Variants in AP4E1 observed in about 807,000 individuals in gnomAD.
AP4E1 encodes the protein AP-4 complex subunit epsilon-1.
AP4E1 carries 56 observed loss-of-function variants against 128.2 expected under a neutral mutation model. That is an observed-to-expected ratio of 0.44 (90% CI 0.35 to 0.55). The LOEUF (loss-of-function observed/expected upper bound fraction) is 0.55. Ranked by LOEUF, AP4E1 falls within the 20% of genes least tolerant of loss-of-function variation. The pLI, the probability that AP4E1 is intolerant of heterozygous loss-of-function variation, is 0.00. For missense variants in AP4E1, 1,324 were observed against 1,307.7 expected, an observed-to-expected ratio of 1.01 and a Z score of -0.19; for synonymous variants, 484 against 473.1, an observed-to-expected ratio of 1.02 and a Z score of -0.30.
At chr15:50,961,591 G>GA (rs969198580) in intron 14 of AP4E1, among the ~76,000 whole-genome samples, 1 of 151,046 alleles carries the variant, frequency 6.6e-6, no homozygotes, top group Non-Finnish European at 1.5e-5. Flanking sequence ...AAAAAGCATA[G>GA]AAAAAAAATA....
intron 17 of AP4E1, 27 bp from the exon 18 acceptor site, chr15:50,997,299 T>G (rs771728447): frequency 2.6e-6 from 4 of 1,545,398 alleles, no homozygotes; most frequent in East Asian, 2.4e-5. Context: ...TGATTTCTTT[T>G]TATATTATTA....
upstream of AP4E1, chr15:50,908,544 C>A: frequency 2.2e-6 from 1 of 465,046 alleles, no homozygotes; most frequent in Non-Finnish European, 3.6e-6. Context: ...GAAAGGAGGT[C>A]TACTTACGCG....
In AP4E1 at chr15:50,968,267, A is replaced by C; in HGVS notation, c.1856A>C (p.Asp619Ala). ...VDRSCEDLVV[D>A]ASLSFLDGFV... ...TTTTGCTTAATTTTAATATAGGTAG[A>C]TGCTTCTTTATCTTTTCTGGATGGT... Residue 619 changes from aspartate to alanine, a missense_variant, in exon 15 of 21, where the codon GAT becomes GCT. Asp to Ala is a moderately radical substitution (Grantham distance 126). Transcript: ENST00000261842. 6.2e-7 allele frequency: 1 copy of C among 1,610,436 alleles called. No individual in the cohort carries two copies. Among genetic ancestry groups the C allele is most frequent in the South Asian group, 1.1e-5 (1 of 90,768 alleles).
At chr15:50,936,311 T>A (rs191818376) in intron 8 of AP4E1, among the ~76,000 whole-genome samples, 1 of 152,234 alleles carries the variant, frequency 6.6e-6, no homozygotes, top group East Asian at 1.9e-4. Context: ...AGGATAAGGG[T>A]TTGAAAGTCT....
intron 15 of AP4E1, among the ~76,000 whole-genome samples, chr15:50,980,918 C>T (rs2064634958): frequency 6.6e-6 from 1 of 152,140 alleles, no homozygotes; most frequent in Admixed American, 6.5e-5. Context: ...GCGTCCTCCA[C>T]CTAGATTTCA....
At chr15:50,998,629 C>CA (rs138680381) in intron 18 of AP4E1, among the ~76,000 whole-genome samples, 9 of 149,578 alleles carry the variant, frequency 6.0e-5, no homozygotes, top group East Asian at 5.9e-4. Context: ...GACTCCATCT[C>CA]AAAAAAAAAG....
At chr15:50,969,454 A>G (rs1275451909) in intron 15 of AP4E1, among the ~76,000 whole-genome samples, 1 of 151,950 alleles carries the variant, frequency 6.6e-6, no homozygotes, top group Non-Finnish European at 1.5e-5. Context: ...TCAGAAAACA[A>G]CCCTGGTTAC....
intron 8 of AP4E1, among the ~76,000 whole-genome samples, chr15:50,939,504 A>G (rs1336431447): frequency 6.6e-6 from 1 of 152,134 alleles, no homozygotes; most frequent in African/African-American, 2.4e-5. Context: ...TGCTCTTTCA[A>G]TTATGAACTT....
At position 51,002,525 on chromosome 15, in the gene AP4E1, C is replaced by G. The variant is rs773929706; in HGVS notation, c.3277C>G (p.Gln1093Glu). ...AGGCAATGAAGGGCTATTGGCCTGT[C>G]AGCTGCTCCCATCCATCCCCTGCTT... ...IIGNEGLLAC[Q>E]LLPSIPCLLH... The change falls in exon 21 of 21, where the codon CAG becomes GAG. Residue 1093 changes from glutamine (Q) to glutamate (E), a missense_variant. Transcript: ENST00000261842. The G allele has an allele frequency of 2.4e-5, 39 of 1,614,030 alleles. No homozygotes were observed. The Middle Eastern group carries it at 6.6e-4, about 27-fold the overall frequency.
intron 1 of AP4E1, among the ~76,000 whole-genome samples, chr15:50,911,678 A>G (rs2063569014): frequency 6.6e-6 from 1 of 151,846 alleles, no homozygotes; most frequent in African/African-American, 2.4e-5. Context: ...GGGTTTTGCC[A>G]TGTTGGCCAG....
intron 8 of AP4E1, among the ~76,000 whole-genome samples, chr15:50,935,923 A>C (rs1004259513): frequency 6.6e-6 from 1 of 152,176 alleles, no homozygotes; most frequent in Admixed American, 6.5e-5. Flanking sequence ...TGCATGTATG[A>C]ATGGTAATTA....
chr15:50,990,344 T>TTTTTTTTTATTA (rs143254695), intron 16 of AP4E1, among the ~76,000 whole-genome samples: 1 of 141,102 alleles, frequency 7.1e-6, no homozygotes, highest in Non-Finnish European at 1.5e-5. Context: ...ATTTATTTAA[T>TTTTTTTTTATTA]TTATTATTAT....
At chr15:50,925,043 C>G in intron 4 of AP4E1, 55 bp from the exon 5 acceptor site, 2 of 1,607,770 alleles carry the variant, frequency 1.2e-6, no homozygotes, top group Non-Finnish European at 1.7e-6. Context: ...TTGAATTTGC[C>G]ATTCCTAGTT....
intron 8 of AP4E1, among the ~76,000 whole-genome samples, chr15:50,935,175 G>T (rs1302044688): frequency 1.3e-5 from 2 of 152,084 alleles, no homozygotes; most frequent in African/African-American, 4.8e-5. Flanking sequence ...GATGGACAGG[G>T]ATAGGTGTTG....
chr15:50,977,999 A>C (rs981003945), intron 15 of AP4E1, among the ~76,000 whole-genome samples: 30 of 152,262 alleles, frequency 2.0e-4, no homozygotes, highest in Admixed American at 1.8e-3. Context: ...ACAAGCCACC[A>C]TGCCAGCCTG....
intron 15 of AP4E1, among the ~76,000 whole-genome samples, chr15:50,970,580 C>A (rs1436917930): frequency 2.0e-5 from 3 of 152,088 alleles, no homozygotes; most frequent in Non-Finnish European, 4.4e-5. Flanking sequence ...TTGTTATATT[C>A]TTTTTATGAA....
At chr15:50,953,331 C>T (rs1022420746) in intron 13 of AP4E1, among the ~76,000 whole-genome samples, 2 of 152,154 alleles carry the variant, frequency 1.3e-5, no homozygotes, top group East Asian at 1.9e-4. Context: ...CATGTACAGT[C>T]GGCCCCCTTA....
chr15:50,939,425 C>G (rs1454580735), intron 8 of AP4E1, among the ~76,000 whole-genome samples: 1 of 126,818 alleles, frequency 7.9e-6, no homozygotes, highest in Admixed American at 8.0e-5. Context: ...GACTGCATCT[C>G]AAAAAAAAAA....
intron 8 of AP4E1, among the ~76,000 whole-genome samples, chr15:50,939,648 A>AT (rs1490015544): frequency 6.6e-6 from 1 of 152,150 alleles, no homozygotes; most frequent in Non-Finnish European, 1.5e-5. Context: ...TTTTTGAACT[A>AT]TTATTTTTTT....
Sources: gnomAD v4.1 joint callset for allele counts (sites outside exome capture counted in the v4.1 genomes callset) on GRCh38, gnomAD v4.1.1 for gene constraint, MANE v1.5 for transcripts, NCBI Gene and HGNC (gene_info 2026-07-23, HGNC 2026-07-21) for gene names.